MRPL14: variants seen among roughly 807,000 people sequenced by gnomAD.
The protein encoded by MRPL14 is large ribosomal subunit protein uL14m.
A neutral mutation model predicts 10.9 loss-of-function variants in MRPL14; 8 were observed. That is an observed-to-expected ratio of 0.74 (90% CI 0.43 to 1.33). MRPL14 has a LOEUF of 1.33. Ranked by LOEUF, MRPL14 falls within the 40% of genes most tolerant of loss-of-function variation. The pLI is 0.01. For synonymous variants in MRPL14, 82 were observed against 74.1 expected (o/e 1.11, Z -0.54); for missense variants, 179 against 194.5 (o/e 0.92, Z 0.47).
intron 1 of MRPL14, among the ~76,000 whole-genome samples, chr6:44,122,899 C>T (rs1392158074): frequency 2.0e-5 from 3 of 152,246 alleles, no homozygotes; most frequent in Non-Finnish European, 4.4e-5. Context: ...ACCCCTCCCA[C>T]CTCAGGTTTC....
rs1311104904 is a variant in MRPL14, at chr6:44,113,926, T to C, written c.355A>G (p.Ile119Val). 31 of 1,610,986 alleles carry C rather than the reference T, an allele frequency of 1.9e-5. No individual in the cohort carries two copies. The highest frequency in any genetic ancestry group is 2.6e-5 in the Non-Finnish European group (31 of 1,177,430). Reference protein sequence around the residue: ...EDNGNPVGTRIKTPIPTSLRK... With the variant: ...EDNGNPVGTRVKTPIPTSLRK... ...AGGCTGGTGGGGATGGGTGTCTTAA[T>C]TCGTGTCCCCACAGGGTTCCCGTTG... is the stretch of plus-strand genomic sequence containing the variant. The change falls in exon 3 of 3, where the codon ATT becomes GTT. Residue 119 changes from isoleucine to valine, a missense_variant. Ile to Val is a conservative substitution (Grantham distance 29, BLOSUM62 3). Coordinates refer to ENST00000372014, the MANE Select transcript of MRPL14 (RefSeq NM_032111.4).
intron 1 of MRPL14, among the ~76,000 whole-genome samples, chr6:44,119,246 G>C (rs574010627): frequency 1.9e-4 from 29 of 152,170 alleles, no homozygotes; most frequent in African/African-American, 5.3e-4. Context: ...ACGTCAGCTG[G>C]GCGCGGTGGC....
chr6:44,115,243 A>T (rs1356963064), intron 2 of MRPL14, among the ~76,000 whole-genome samples: 2 of 152,038 alleles, frequency 1.3e-5, no homozygotes, highest in Non-Finnish European at 2.9e-5. Flanking sequence ...GCCAACTAGT[A>T]AATTCCATCT....
intron 1 of MRPL14, among the ~76,000 whole-genome samples, chr6:44,122,084 C>G (rs539404464): frequency 2.7e-5 from 4 of 149,090 alleles, no homozygotes; most frequent in Admixed American, 6.8e-5. Context: ...GCTCTTCCCC[C>G]CCCTCTTTTT....
At chr6:44,121,642 G>A (rs1776424205) in intron 1 of MRPL14, among the ~76,000 whole-genome samples, 1 of 152,210 alleles carries the variant, frequency 6.6e-6, no homozygotes, top group Non-Finnish European at 1.5e-5. Context: ...CTGTTAGGTG[G>A]ACAGAACTGA....
At chr6:44,119,449 A>C (rs1200923753) in intron 1 of MRPL14, among the ~76,000 whole-genome samples, 2 of 151,484 alleles carry the variant, frequency 1.3e-5, no homozygotes, top group Non-Finnish European at 2.9e-5. Flanking sequence ...AATCACTTGA[A>C]CCCATGAGGC....
intron 1 of MRPL14, among the ~76,000 whole-genome samples, chr6:44,124,921 A>C (rs552080182): frequency 1.1e-4 from 17 of 152,206 alleles, no homozygotes; most frequent in Non-Finnish European, 2.4e-4. Context: ...TGACAGTAGG[A>C]AAATCCACCT....
At chr6:44,122,273 G>A (rs1053821885) in intron 1 of MRPL14, among the ~76,000 whole-genome samples, 3 of 152,118 alleles carry the variant, frequency 2.0e-5, no homozygotes, top group African/African-American at 7.2e-5. Context: ...CAGTAGAGAC[G>A]GGGGTTTCAC....
chr6:44,127,186 A>ACCCCCCCCCCCCCGTCGGGC (rs74487768), intron 1 of MRPL14, 158 bp downstream of exon 1: 1 of 111,414 alleles, frequency 9.0e-6, no homozygotes, highest in Admixed American at 8.1e-5. Context: ...CCCCGTCGGG[A>ACCCCCCCCCCCCCGTCGGGC]CCCCCCCCTC....
chr6:44,123,897 G>A (rs1395990426), intron 1 of MRPL14, among the ~76,000 whole-genome samples: 1 of 152,114 alleles, frequency 6.6e-6, no homozygotes, highest in Non-Finnish European at 1.5e-5. Flanking sequence ...GTAGTACTTA[G>A]ATAGATCTGA....
Position 44,116,614 on chromosome 6 carries a change from G to C in MRPL14, c.-3C>G, listed in dbSNP as rs775845182. On this transcript the variant is annotated 5_prime_UTR_variant, in exon 2 of 3. In the 5' UTR this introduces an upstream ATG that the reference lacks. Transcript: ENST00000372014. Reference sequence around the variant, plus strand: ...CAGAGCCCAGTAAAGAAAGCCATGGGATCCCAAGATAGATCCTGCAGGAAA... The same window carrying C: ...CAGAGCCCAGTAAAGAAAGCCATGGCATCCCAAGATAGATCCTGCAGGAAA... The C allele has an allele frequency of 2.5e-6, 4 of 1,613,856 alleles. No homozygotes were observed. The Admixed American group carries it at 6.7e-5, about 27-fold the overall frequency.
At chr6:44,127,172 C>T (rs1417629411) in intron 1 of MRPL14, 172 bp downstream of exon 1, 1 of 149,964 alleles carries the variant, frequency 6.7e-6, no homozygotes, top group African/African-American at 2.5e-5. Context: ...GTCGGGACCC[C>T]CCTCCCCGTC....
chr6:44,117,122 T>C (rs533198702), intron 1 of MRPL14, among the ~76,000 whole-genome samples: 1 of 152,178 alleles, frequency 6.6e-6, no homozygotes, highest in Non-Finnish European at 1.5e-5. Flanking sequence ...TTCCCCCAAA[T>C]GTAAAGGCCA....
intron 1 of MRPL14, among the ~76,000 whole-genome samples, chr6:44,121,882 TGAGCC>T (rs1304918957): frequency 3.4e-5 from 5 of 145,202 alleles, no homozygotes; most frequent in African/African-American, 1.3e-4. Context: ...GAGGTTGCAG[TGAGCC>T]GAGATCACAC....
intron 1 of MRPL14, among the ~76,000 whole-genome samples, chr6:44,120,118 C>A (rs1022187797): frequency 6.6e-6 from 1 of 152,198 alleles, no homozygotes; most frequent in Non-Finnish European, 1.5e-5. Context: ...AACCAACACT[C>A]ATCTCTGCCC....
intron 1 of MRPL14, among the ~76,000 whole-genome samples, chr6:44,117,840 G>GTTTT (rs56204643): frequency 2.1e-4 from 16 of 75,364 alleles, no homozygotes; most frequent in Non-Finnish European, 2.9e-4. Flanking sequence ...AATTTTTTGT[G>GTTTT]TTTTTTTTTT....
chr6:44,117,025 T>C (rs1446801108), intron 1 of MRPL14, among the ~76,000 whole-genome samples: 1 of 152,238 alleles, frequency 6.6e-6, no homozygotes, highest in Non-Finnish European at 1.5e-5. Context: ...TTGATATTCA[T>C]ATGCCTTCTG....
chr6:44,126,671 T>C (rs1376658369), intron 1 of MRPL14, among the ~76,000 whole-genome samples: 10 of 152,178 alleles, frequency 6.6e-5, no homozygotes, highest in Admixed American at 5.9e-4. Flanking sequence ...TGGAAAGCAA[T>C]ACTTCCTTTT....
At chr6:44,119,488 A>G (rs927623576) in intron 1 of MRPL14, among the ~76,000 whole-genome samples, 3 of 152,032 alleles carry the variant, frequency 2.0e-5, no homozygotes, top group Admixed American at 6.5e-5. Flanking sequence ...AGGTTGGGCC[A>G]CTGCACTCCA....
Sources: gnomAD v4.1 joint callset for allele counts (sites outside exome capture counted in the v4.1 genomes callset) on GRCh38, gnomAD v4.1.1 for gene constraint, MANE v1.5 for transcripts, NCBI Gene and HGNC (gene_info 2026-07-23, HGNC 2026-07-21) for gene names.